PIP5K1B: variants seen among roughly 807,000 people sequenced by gnomAD.
PIP5K1B encodes phosphatidylinositol-4-phosphate 5-kinase type 1 beta.
A neutral mutation model predicts 67.0 loss-of-function variants in PIP5K1B; 42 were observed. The observed-to-expected ratio is 0.63, with a 90% CI of 0.49 to 0.81. PIP5K1B has a LOEUF of 0.81. PIP5K1B is among the 30% of genes least tolerant of loss of function. The pLI, the probability that PIP5K1B is intolerant of heterozygous loss-of-function variation, is 0.00. For synonymous variants in PIP5K1B, 214 were observed against 231.4 expected, an observed-to-expected ratio of 0.92 and a Z score of 0.68; for missense variants, 459 against 646.3, an observed-to-expected ratio of 0.71 and a Z score of 3.14.
intron 4 of PIP5K1B, chr9:68,824,319 A>G (rs1211010597): frequency 3.9e-6 from 2 of 512,146 alleles, no homozygotes; most frequent in Non-Finnish European, 7.8e-6. Flanking sequence ...AAATGTGACC[A>G]TGACATCTCA....
chr9:68,992,598 G>C (rs1830426874), intron 15 of PIP5K1B, among the ~76,000 whole-genome samples: 1 of 152,006 alleles, frequency 6.6e-6, no homozygotes, highest in African/African-American at 2.4e-5. Flanking sequence ...CCAGCACTTT[G>C]GGAGTCTGAG....
intron 4 of PIP5K1B, among the ~76,000 whole-genome samples, chr9:68,851,866 C>T (rs1415409890): frequency 6.6e-6 from 1 of 152,240 alleles, no homozygotes; most frequent in East Asian, 1.9e-4. Flanking sequence ...GCTGCAGAGC[C>T]GGCCCTCCTT....
intron 12 of PIP5K1B, 125 bp from the exon 13 acceptor site, chr9:68,934,765 G>T: frequency 1.7e-6 from 1 of 583,752 alleles, no homozygotes; most frequent in Non-Finnish European, 2.7e-6. Context: ...TATAAAATAA[G>T]CGTCTTGTCT....
intron 8 of PIP5K1B, among the ~76,000 whole-genome samples, chr9:68,895,265 TAAAAAAAA>T (rs11342436): frequency 8.3e-6 from 1 of 121,114 alleles, no homozygotes; most frequent in African/African-American, 3.1e-5. Context: ...TGCAATGCTT[TAAAAAAAA>T]AAAAAAAAAA....
chr9:68,794,580 C>T (rs1461634019), intron 2 of PIP5K1B, among the ~76,000 whole-genome samples: 3 of 151,784 alleles, frequency 2.0e-5, no homozygotes, highest in Admixed American at 6.6e-5. Flanking sequence ...CTCCTGATGA[C>T]TTTTTTCCAC....
chr9:68,717,132 A>G (rs1335254931), intron 1 of PIP5K1B, among the ~76,000 whole-genome samples: 1 of 152,202 alleles, frequency 6.6e-6, no homozygotes, highest in African/African-American at 2.4e-5. Context: ...CCTGTCAGGT[A>G]CTGTGTTCAC....
At chr9:68,750,438 G>A (rs371619403) in intron 2 of PIP5K1B, among the ~76,000 whole-genome samples, 26 of 152,168 alleles carry the variant, frequency 1.7e-4, no homozygotes, top group East Asian at 9.6e-4. Context: ...CAGCTTTCTC[G>A]TCGGTGACGT....
At chr9:68,883,729 A>G (rs1013768702) in intron 6 of PIP5K1B, among the ~76,000 whole-genome samples, 2 of 152,112 alleles carry the variant, frequency 1.3e-5, no homozygotes, top group African/African-American at 2.4e-5. Context: ...TCCTCAAGAT[A>G]TGGCTGTTTA....
chr9:68,967,807 C>T (rs1344677691), intron 14 of PIP5K1B, among the ~76,000 whole-genome samples: 1 of 152,152 alleles, frequency 6.6e-6, no homozygotes, highest in Non-Finnish European at 1.5e-5. Context: ...ACTTGACATT[C>T]TTCATCACAC....
At chr9:68,739,621 ATATCTCAG>A (rs1828905784) in intron 1 of PIP5K1B, among the ~76,000 whole-genome samples, 1 of 152,170 alleles carries the variant, frequency 6.6e-6, no homozygotes, top group African/African-American at 2.4e-5. Context: ...GCAGGCTGTG[ATATCTCAG>A]ATTGCAACAC....
chr9:68,909,938 C>T (rs948699810), intron 8 of PIP5K1B, among the ~76,000 whole-genome samples: 4 of 152,190 alleles, frequency 2.6e-5, no homozygotes, highest in Non-Finnish European at 4.4e-5. Context: ...GTACCTGTCA[C>T]ATAGTAGGTG....
At chr9:68,840,416 G>T (rs1283513294) in intron 4 of PIP5K1B, among the ~76,000 whole-genome samples, 3 of 151,920 alleles carry the variant, frequency 2.0e-5, no homozygotes, top group African/African-American at 7.2e-5. Flanking sequence ...CTTGCTATAT[G>T]TATTAGTTTC....
At chr9:68,917,028 C>A (rs1350081381) in intron 8 of PIP5K1B, among the ~76,000 whole-genome samples, 2 of 152,190 alleles carry the variant, frequency 1.3e-5, no homozygotes, top group Admixed American at 1.3e-4. Context: ...TACAAACTTA[C>A]AAGCTTGTAG....
intron 5 of PIP5K1B, among the ~76,000 whole-genome samples, chr9:68,866,674 C>T (rs1054845393): frequency 1.3e-5 from 2 of 152,064 alleles, no homozygotes; most frequent in African/African-American, 2.4e-5. Context: ...TAATCAGGTA[C>T]TAGACCAAAA....
At chr9:68,720,549 T>G (rs1243907710) in intron 1 of PIP5K1B, among the ~76,000 whole-genome samples, 1 of 152,226 alleles carries the variant, frequency 6.6e-6, no homozygotes, top group Non-Finnish European at 1.5e-5. Flanking sequence ...TCTTTTTACT[T>G]TGGTCATCTC....
chr9:68,967,208 A>G (rs1829085092), intron 14 of PIP5K1B, among the ~76,000 whole-genome samples: 1 of 152,210 alleles, frequency 6.6e-6, no homozygotes, highest in African/African-American at 2.4e-5. Context: ...ACTTCCCCAC[A>G]TATTGTAGCT....
intron 4 of PIP5K1B, among the ~76,000 whole-genome samples, chr9:68,834,065 A>C (rs1245956081): frequency 6.6e-6 from 1 of 152,222 alleles, no homozygotes; most frequent in East Asian, 1.9e-4. Context: ...ATCCTTTTCC[A>C]CAGTTATATT....
chr9:68,995,789 G>A (rs1236849794), intron 15 of PIP5K1B, among the ~76,000 whole-genome samples: 1 of 128,256 alleles, frequency 7.8e-6, no homozygotes, highest in Non-Finnish European at 1.6e-5. Flanking sequence ...TGGGCAACAA[G>A]AGCAAAACTC....
Position 68,705,286 on chromosome 9 carries a change from G to C in PIP5K1B, c.-719G>C, listed in dbSNP as rs1439161716. 6.6e-6 allele frequency: 1 copy of C among 151,686 alleles called. No individual in the cohort carries two copies. The highest frequency in any genetic ancestry group is 1.5e-5 in the Non-Finnish European group (1 of 67,900). 9.4% of individuals were successfully genotyped at this position (151,686 alleles called of 1,614,324 possible). A position where few individuals can be genotyped will look rare whatever the true frequency, so the allele number is the denominator to read the frequency against. On this transcript the variant is annotated 5_prime_UTR_variant, in exon 1 of 16. Coordinates refer to ENST00000265382, the MANE Select transcript of PIP5K1B (RefSeq NM_003558.4). Reference sequence around the variant, plus strand: ...TCCGGCGCGCACCAAGCGGGAACCCGCGCCCGAGCCCGGCGGGCGCCGCTG... The same window carrying C: ...TCCGGCGCGCACCAAGCGGGAACCCCCGCCCGAGCCCGGCGGGCGCCGCTG...
Sources: allele counts gnomAD v4.1 joint callset (sites outside exome capture counted in the v4.1 genomes callset), GRCh38; gene constraint gnomAD v4.1.1; transcripts MANE v1.5; gene names NCBI Gene and HGNC (gene_info 2026-07-23, HGNC 2026-07-21).